PTPN13: variants seen among roughly 807,000 people sequenced by gnomAD.
PTPN13 encodes the protein protein tyrosine phosphatase non-receptor type 13, also known as tyrosine-protein phosphatase non-receptor type 13.
In PTPN13, 191 loss-of-function variants were observed where a neutral mutation model predicts 284.0. The observed-to-expected ratio is 0.67, with a 90% CI of 0.60 to 0.76. The LOEUF (loss-of-function observed/expected upper bound fraction) is 0.76. PTPN13 is among the 30% of genes least tolerant of loss of function. The pLI, the probability that PTPN13 is intolerant of heterozygous loss-of-function variation, is 0.00. For missense variants in PTPN13, 2,797 were observed against 2,939.9 expected (o/e 0.95, Z 1.12); for synonymous variants, 986 against 1,022.3 (o/e 0.96, Z 0.68).
chr4:86,805,843 G>T (rs1744593130), intron 44 of PTPN13, among the ~76,000 whole-genome samples: 1 of 152,062 alleles, frequency 6.6e-6, no homozygotes, highest in Admixed American at 6.6e-5. Flanking sequence ...AGACATTTCA[G>T]ATACCAGAAG....
chr4:86,672,896 A>C (rs1205180169), intron 3 of PTPN13, among the ~76,000 whole-genome samples: 1 of 152,160 alleles, frequency 6.6e-6, no homozygotes, highest in Non-Finnish European at 1.5e-5. Context: ...CCTTTTTGGC[A>C]CCAGGGACTG....
At chr4:86,627,132 C>T (rs1351010604) in intron 1 of PTPN13, among the ~76,000 whole-genome samples, 2 of 151,946 alleles carry the variant, frequency 1.3e-5, no homozygotes, top group Non-Finnish European at 2.9e-5. Flanking sequence ...TAAATGATTC[C>T]ACTCATATGA....
chr4:86,789,223 TG>T (rs1742333686), intron 40 of PTPN13, among the ~76,000 whole-genome samples: 1 of 152,220 alleles, frequency 6.6e-6, no homozygotes, highest in Non-Finnish European at 1.5e-5. Flanking sequence ...GCCACTGAAA[TG>T]GATCAATATG....
At chr4:86,660,418 T>C (rs1433307935) in intron 2 of PTPN13, among the ~76,000 whole-genome samples, 1 of 152,086 alleles carries the variant, frequency 6.6e-6, no homozygotes, top group African/African-American at 2.4e-5. Context: ...AAAAAAGACT[T>C]TATAGGAAAT....
At chr4:86,714,097 T>C (rs976643709) in intron 7 of PTPN13, among the ~76,000 whole-genome samples, 8 of 150,596 alleles carry the variant, frequency 5.3e-5, no homozygotes, top group Non-Finnish European at 1.2e-4. Flanking sequence ...CACAAGAAAA[T>C]TCTAATTGGT....
At chr4:86,669,671 C>A (rs905803920) in intron 2 of PTPN13, among the ~76,000 whole-genome samples, 1 of 151,892 alleles carries the variant, frequency 6.6e-6, no homozygotes, top group East Asian at 1.9e-4. Flanking sequence ...AGTCTGTATC[C>A]AGGGATGAAA....
chr4:86,694,231 T>C (rs1012293457), intron 6 of PTPN13, among the ~76,000 whole-genome samples: 2 of 152,126 alleles, frequency 1.3e-5, no homozygotes, highest in Non-Finnish European at 2.9e-5. Context: ...GTCAATAGCA[T>C]TATATAATTC....
At chr4:86,757,947 G>A (rs186922712) in intron 20 of PTPN13, among the ~76,000 whole-genome samples, 6 of 152,016 alleles carry the variant, frequency 3.9e-5, no homozygotes, top group Admixed American at 6.6e-5. Context: ...TGAAAAGTTC[G>A]GCTCTTTCCT....
intron 9 of PTPN13, 92 bp from the exon 10 acceptor site, chr4:86,722,120 C>A: frequency 9.4e-7 from 1 of 1,060,706 alleles, no homozygotes; most frequent in South Asian, 1.4e-5. Context: ...TGTTTAAACT[C>A]TTGCAACCTT....
chr4:86,745,034 G>A lies in PTPN13; in HGVS notation c.2556G>A (p.Lys852=). ...ATGGCTTCCAGACAGACAACAGTAA[G>A]ATATGCCAGTACCTGCTGCACCTCT... ...IKHGFQTDNS[K]ICQYLLHLCS... is the part of the protein sequence containing the mutation. Residue 852 remains lysine (K), a synonymous_variant, in exon 17 of 48, where the codon AAG becomes AAA. Coordinates refer to ENST00000411767, the MANE Select transcript of PTPN13 (RefSeq NM_080683.3). The A allele has an allele frequency of 1.9e-6, 3 of 1,608,028 alleles. No individual in the cohort carries two copies. The highest frequency in any genetic ancestry group is 2.5e-6 in the Non-Finnish European group (3 of 1,176,984).
chr4:86,714,225 T>C (rs1160358186), intron 7 of PTPN13, among the ~76,000 whole-genome samples: 1 of 152,164 alleles, frequency 6.6e-6, no homozygotes, highest in African/African-American at 2.4e-5. Flanking sequence ...TTTAATCTTC[T>C]CAAGCCTTAG....
At chr4:86,681,211 T>C (rs1252354304) in intron 3 of PTPN13, among the ~76,000 whole-genome samples, 1 of 152,218 alleles carries the variant, frequency 6.6e-6, no homozygotes, top group South Asian at 2.1e-4. Context: ...TCCTTGAGTT[T>C]CCTTAGCACA....
intron 33 of PTPN13, 41 bp downstream of exon 33, chr4:86,774,572 G>C (rs371484721): frequency 1.6e-5 from 24 of 1,515,822 alleles, no homozygotes; most frequent in African/African-American, 4.2e-5. Context: ...TGTAAATGTA[G>C]ACAAAGAGCA....
chr4:86,713,990 A>C (rs1732718552), intron 7 of PTPN13, among the ~76,000 whole-genome samples: 1 of 148,710 alleles, frequency 6.7e-6, no homozygotes. Context: ...TTCCTCACCC[A>C]CCTTGATTCT....
chr4:86,778,953 C>A (rs1326780575), intron 35 of PTPN13, among the ~76,000 whole-genome samples: 1 of 150,520 alleles, frequency 6.6e-6, no homozygotes, highest in Non-Finnish European at 1.5e-5. Context: ...ATATCAACTG[C>A]CAGCCTGGAG....
chr4:86,686,007 A>ATT (rs1729410898), intron 3 of PTPN13, among the ~76,000 whole-genome samples: 1 of 152,240 alleles, frequency 6.6e-6, no homozygotes, highest in Non-Finnish European at 1.5e-5. Context: ...AATTCTATAT[A>ATT]CCATTTAAAA....
intron 3 of PTPN13, among the ~76,000 whole-genome samples, chr4:86,681,225 T>A (rs897845829): frequency 7.9e-5 from 12 of 152,176 alleles, no homozygotes; most frequent in Non-Finnish European, 1.8e-4. Context: ...TAGCACAAAT[T>A]TACTACTTTT....
intron 8 of PTPN13, 87 bp from the exon 9 acceptor site, chr4:86,716,937 T>C (rs571546777): frequency 1.1e-6 from 1 of 880,400 alleles, no homozygotes; most frequent in Non-Finnish European, 1.8e-6. Context: ...TGTACAACTC[T>C]ATGTCTGCTA....
In PTPN13 at chr4:86,744,942, G is replaced by A. The variant is rs138446223; in HGVS notation, c.2488-24G>A. On this transcript the variant is annotated intron_variant, in intron 16 of 47. Transcript: ENST00000411767. ...TAATATCTCTACTTACTATAATTAT[G>A]AATACCCTTGGTTAATATTGTAGAA... 6.9e-4 allele frequency: 1,024 copies of A among 1,478,846 alleles called. 8 individuals carry two copies. The African/African-American group carries it at 0.013, about 19-fold the overall frequency. The allele number at this position is 1,478,846 out of a possible 1,614,324, so 91.6% of individuals were successfully genotyped here.
Sources: allele counts gnomAD v4.1 joint callset (sites outside exome capture counted in the v4.1 genomes callset), GRCh38; gene constraint gnomAD v4.1.1; transcripts MANE v1.5; gene names NCBI Gene and HGNC (gene_info 2026-07-23, HGNC 2026-07-21).